Variants in GLCCI1 observed in about 807,000 individuals in gnomAD.
GLCCI1 encodes the protein glucocorticoid induced 1.
Under a neutral mutation model 52.2 loss-of-function variants are expected in GLCCI1, and 24 were observed. That is an observed-to-expected ratio of 0.46 (90% CI 0.33 to 0.65). The LOEUF (loss-of-function observed/expected upper bound fraction) is 0.65, where lower values mean the gene tolerates loss of function less well. Ranked by LOEUF, GLCCI1 falls within the 30% of genes least tolerant of loss-of-function variation. GLCCI1 has a pLI of 0.02. For missense variants in GLCCI1, 704 were observed against 701.5 expected (o/e 1.00, Z -0.04); for synonymous variants, 310 against 276.5 (o/e 1.12, Z -1.20).
chr7:8,060,045 T>G (rs775987635), intron 4 of GLCCI1, 51 bp from the exon 5 acceptor site: 2 of 1,490,958 alleles, frequency 1.3e-6, no homozygotes, highest in Non-Finnish European at 1.8e-6. Flanking sequence ...CTTTAGTTCT[T>G]GATTGCTTTG....
chr7:8,036,189 C>T (rs1003500624), intron 3 of GLCCI1, among the ~76,000 whole-genome samples: 32 of 152,142 alleles, frequency 2.1e-4, no homozygotes, highest in African/African-American at 7.5e-4. Context: ...AGATAAACTT[C>T]CTGAGACCTC....
chr7:8,027,918 A>G (rs1266857851), intron 3 of GLCCI1, among the ~76,000 whole-genome samples: 1 of 152,212 alleles, frequency 6.6e-6, no homozygotes, highest in African/African-American at 2.4e-5. Context: ...AGAGGATGTA[A>G]TGATTGTAAG....
intron 6 of GLCCI1, among the ~76,000 whole-genome samples, chr7:8,077,259 G>A (rs1045132043): frequency 3.9e-5 from 6 of 152,168 alleles, no homozygotes; most frequent in Admixed American, 3.3e-4. Context: ...GTGTTCCTCT[G>A]AGAAGAAGTA....
chr7:8,071,652 G>A (rs547839945), intron 6 of GLCCI1, among the ~76,000 whole-genome samples: 2 of 152,220 alleles, frequency 1.3e-5, no homozygotes, highest in South Asian at 4.1e-4. Flanking sequence ...GAACATCTGG[G>A]ATTCTTATTT....
intron 2 of GLCCI1, among the ~76,000 whole-genome samples, chr7:8,013,193 T>C (rs1250538209): frequency 1.3e-5 from 2 of 152,248 alleles, no homozygotes; most frequent in Non-Finnish European, 2.9e-5. Context: ...TTAAAAAATT[T>C]CATTTAAACT....
At chr7:8,063,673 T>A in intron 5 of GLCCI1, among the ~76,000 whole-genome samples, 1 of 147,636 alleles carries the variant, frequency 6.8e-6, no homozygotes. Flanking sequence ...GGCTGGAGTA[T>A]AGCGGCACAG....
At chr7:8,030,129 A>T (rs889532488) in intron 3 of GLCCI1, among the ~76,000 whole-genome samples, 1 of 152,158 alleles carries the variant, frequency 6.6e-6, no homozygotes, top group African/African-American at 2.4e-5. Context: ...GAATGACATG[A>T]CCTGACTTTA....
intron 1 of GLCCI1, among the ~76,000 whole-genome samples, chr7:7,974,511 A>G (rs1357959802): frequency 6.6e-6 from 1 of 152,150 alleles, no homozygotes; most frequent in East Asian, 1.9e-4. Flanking sequence ...CTTTGGGGAA[A>G]TGTTGAAGGA....
chr7:8,067,346 C>T (rs1296445498), intron 5 of GLCCI1, among the ~76,000 whole-genome samples: 1 of 152,068 alleles, frequency 6.6e-6, no homozygotes, highest in Non-Finnish European at 1.5e-5. Context: ...CCAGTTTGCA[C>T]CTTTTAATTA....
intron 6 of GLCCI1, among the ~76,000 whole-genome samples, chr7:8,072,500 A>G (rs777572220): frequency 2.0e-5 from 3 of 152,172 alleles, no homozygotes; most frequent in Non-Finnish European, 4.4e-5. Context: ...GGAAATTTTC[A>G]TTTCACTGAA....
chr7:8,039,952 A>C (rs971677645), intron 3 of GLCCI1, among the ~76,000 whole-genome samples: 3 of 149,818 alleles, frequency 2.0e-5, no homozygotes, highest in African/African-American at 7.4e-5. Flanking sequence ...AGCCGAGATC[A>C]TGCCACTGCA....
rs768555054 is a variant in GLCCI1 at position 8,006,673 on chromosome 7, A to C, written c.609+2614A>C. Among the ~76,000 whole-genome samples, 51 of 152,310 alleles carry C rather than the reference A, an allele frequency of 3.3e-4. No homozygotes were observed. The Middle Eastern group carries it at 0.014, about 41-fold the overall frequency. ...GTAAAATACATTTTGTCCTCCCCCC[A>C]CTACCCAATGACAAATAATCTTCAT... is the stretch of plus-strand genomic sequence containing the variant. On this transcript the variant is annotated intron_variant, in intron 2 of 7. Coordinates refer to ENST00000223145, the MANE Select transcript of GLCCI1 (RefSeq NM_138426.4).
chr7:8,015,841 A>C (rs548559999), intron 2 of GLCCI1, among the ~76,000 whole-genome samples: 16 of 152,368 alleles, frequency 1.1e-4, no homozygotes, highest in African/African-American at 3.8e-4. Flanking sequence ...GTATACAGCG[A>C]AAGGCCTTTC....
intron 6 of GLCCI1, among the ~76,000 whole-genome samples, chr7:8,074,746 G>GT (rs998873792): frequency 1.3e-5 from 2 of 152,046 alleles, no homozygotes; most frequent in Non-Finnish European, 2.9e-5. Flanking sequence ...ATAAATTGGT[G>GT]TTTTTTTATT....
At chr7:8,023,525 G>A (rs1781540049) in intron 3 of GLCCI1, among the ~76,000 whole-genome samples, 1 of 147,684 alleles carries the variant, frequency 6.8e-6, no homozygotes. Flanking sequence ...GAATTGAAAG[G>A]TCATCCAGCC....
chr7:8,071,146 G>A lies in GLCCI1; in HGVS notation c.1177+15G>A, dbSNP rs1411336361. On this transcript the variant is annotated intron_variant, in intron 6 of 7. Coordinates refer to ENST00000223145, the MANE Select transcript of GLCCI1 (RefSeq NM_138426.4). Reference sequence around the variant, plus strand: ...TCGTGATAAAGGTAAGAATGGAATTGTCCACTTAGAGGGTTTGTTATGGGC... The same window carrying A: ...TCGTGATAAAGGTAAGAATGGAATTATCCACTTAGAGGGTTTGTTATGGGC... 5.0e-6 allele frequency: 8 copies of A among 1,606,142 alleles called. No homozygotes were observed. Among genetic ancestry groups the A allele is most frequent in the Middle Eastern group, 1.6e-4 (1 of 6,068 alleles).
intron 2 of GLCCI1, among the ~76,000 whole-genome samples, chr7:8,020,845 T>G (rs2127948108): frequency 6.6e-6 from 1 of 152,322 alleles, no homozygotes; most frequent in Non-Finnish European, 1.5e-5. Context: ...TTGAATAATT[T>G]TGGAATAAAT....
chr7:7,991,879 T>C (rs1403125827), intron 1 of GLCCI1, among the ~76,000 whole-genome samples: 3 of 151,962 alleles, frequency 2.0e-5, no homozygotes, highest in South Asian at 2.1e-4. Flanking sequence ...AGGGAGAGAA[T>C]AGGCAAAAAC....
At chr7:7,995,264 T>C (rs1040885321) in intron 1 of GLCCI1, among the ~76,000 whole-genome samples, 2 of 152,224 alleles carry the variant, frequency 1.3e-5, no homozygotes, top group Admixed American at 6.5e-5. Context: ...TAGTTAGCAC[T>C]TTAGGAGGCT....
Sources: allele counts gnomAD v4.1 joint callset (sites outside exome capture counted in the v4.1 genomes callset), GRCh38; gene constraint gnomAD v4.1.1; transcripts MANE v1.5; gene names NCBI Gene and HGNC (gene_info 2026-07-23, HGNC 2026-07-21).